The following RBFOX1 variants were observed in gnomAD, a reference collection of about 807,000 sequenced individuals.
The protein encoded by RBFOX1 is RNA binding fox-1 homolog 1.
Under a neutral mutation model 57.7 loss-of-function variants are expected in RBFOX1, and 8 were observed. That is an observed-to-expected ratio of 0.14 (90% confidence interval 0.08 to 0.25). The LOEUF (loss-of-function observed/expected upper bound fraction) is 0.25, where lower values mean the gene tolerates loss of function less well. Among genes scored for constraint, RBFOX1 ranks in the 10% least tolerant of loss-of-function variants. The probability of loss-of-function intolerance (pLI) is 1.00; values close to 1 mark genes in which losing one functional copy is unlikely to be tolerated. For missense variants in RBFOX1, 611 were observed against 548.5 expected (o/e 1.11, Z -1.14); for synonymous variants, 326 against 222.4 (o/e 1.47, Z -4.15).
At chr16:7,197,853 C>T (rs576137060) in intron 4 of RBFOX1, among the ~76,000 whole-genome samples, 1 of 151,952 alleles carries the variant, frequency 6.6e-6, no homozygotes, top group Non-Finnish European at 1.5e-5. Context: ...CGTGAAATAT[C>T]CAGAATAGGA....
intron 4 of RBFOX1, among the ~76,000 whole-genome samples, chr16:7,402,559 T>C (rs1157798755): frequency 6.6e-6 from 1 of 152,188 alleles, no homozygotes; most frequent in African/African-American, 2.4e-5. Context: ...TATGTGAACT[T>C]TGGTAGTGGA....
chr16:6,379,088 T>C (rs1036360151), intron 2 of RBFOX1, among the ~76,000 whole-genome samples: 1 of 152,102 alleles, frequency 6.6e-6, no homozygotes, highest in Non-Finnish European at 1.5e-5. Flanking sequence ...TGCCCAGCTT[T>C]CTAAACTGGG....
At chr16:5,481,620 C>G (rs1597241637) in intron 2 of RBFOX1, among the ~76,000 whole-genome samples, 1 of 152,136 alleles carries the variant, frequency 6.6e-6, no homozygotes. Flanking sequence ...AAGAAGATAC[C>G]AAGTGCTTCA....
intron 3 of RBFOX1, among the ~76,000 whole-genome samples, chr16:6,944,220 C>G (rs1411332851): frequency 2.6e-5 from 4 of 151,868 alleles, no homozygotes; most frequent in Non-Finnish European, 5.9e-5. Context: ...CACAGTGAAA[C>G]CCTTTCTCTA....
rs373916592 is a variant in RBFOX1, at chr16:5,813,618, A to G, written c.319-53685A>G. Among the ~76,000 whole-genome samples the G allele has an allele frequency of 9.8e-5, 15 of 152,352 alleles. No individual in the cohort carries two copies. In the East Asian group the frequency reaches 1.2e-3, roughly 12 times the overall value. ...ATACCCAGAAAAGGCAAGTCTCACTATTGAGTTTTAAGTGTTCTTTATATA... is the reference window on the plus strand; with the variant it reads ...ATACCCAGAAAAGGCAAGTCTCACTGTTGAGTTTTAAGTGTTCTTTATATA... On this transcript the variant is annotated intron_variant, in intron 3 of 19. Coordinates refer to the RBFOX1 transcript ENST00000641259.
chr16:7,449,812 G>A (rs1310597328), intron 4 of RBFOX1, among the ~76,000 whole-genome samples: 1 of 149,304 alleles, frequency 6.7e-6, no homozygotes, highest in Non-Finnish European at 1.5e-5. Context: ...GTGACATAAA[G>A]AGAACACCTT....
intron 3 of RBFOX1, among the ~76,000 whole-genome samples, chr16:7,029,173 C>G (rs1168607246): frequency 2.3e-5 from 1 of 44,264 alleles, no homozygotes; most frequent in Non-Finnish European, 6.3e-5. Flanking sequence ...CATATATATA[C>G]GTATACGTGT....
chr16:7,333,008 G>T (rs1268576888), intron 4 of RBFOX1: 2 of 1,613,666 alleles, frequency 1.2e-6, no homozygotes, highest in South Asian at 1.1e-5. Context: ...AAGCATGCTG[G>T]CGTCTCAAGG....
intron 2 of RBFOX1, among the ~76,000 whole-genome samples, chr16:6,377,983 A>G (rs961178337): frequency 6.6e-6 from 1 of 152,026 alleles, no homozygotes. Context: ...CTGGTGCTTC[A>G]TCGTCCTTTA....
intron 2 of RBFOX1, among the ~76,000 whole-genome samples, chr16:6,564,273 T>C (rs374954202): frequency 1.3e-5 from 2 of 151,978 alleles, no homozygotes; most frequent in South Asian, 2.1e-4. Context: ...TGCTCTATGG[T>C]TTTTAATGAA....
In RBFOX1 at chr16:7,691,659, G is replaced by A. The variant is rs542556853; in HGVS notation, c.995+14821G>A. Among the ~76,000 whole-genome samples, 12 of 152,186 alleles carry A rather than the reference G, an allele frequency of 7.9e-5. No homozygotes were observed. In the Middle Eastern group the frequency reaches 0.02, roughly 259 times the overall value. On this transcript the variant is annotated intron_variant, in intron 14 of 15. Coordinates refer to ENST00000550418, the MANE Select transcript of RBFOX1 (RefSeq NM_018723.4). ...GTTGCATTTTAAAAGTTACCTATTCGTTCAGTCACAATTTTACATCTGTTT... is the reference window on the plus strand; with the variant it reads ...GTTGCATTTTAAAAGTTACCTATTCATTCAGTCACAATTTTACATCTGTTT...
intron 1 of RBFOX1, among the ~76,000 whole-genome samples, chr16:5,418,370 C>T (rs2092006969): frequency 6.6e-6 from 1 of 151,756 alleles, no homozygotes; most frequent in South Asian, 2.1e-4. Flanking sequence ...TGAGAAGATG[C>T]ACAGGGGAAA....
At chr16:7,689,511 A>G (rs2076867674) in intron 14 of RBFOX1, among the ~76,000 whole-genome samples, 1 of 152,058 alleles carries the variant, frequency 6.6e-6, no homozygotes, top group Non-Finnish European at 1.5e-5. Context: ...GTTCTTATTA[A>G]GTGTATAGAT....
At chr16:6,513,939 A>T (rs2096311379) in intron 2 of RBFOX1, among the ~76,000 whole-genome samples, 1 of 152,140 alleles carries the variant, frequency 6.6e-6, no homozygotes, top group Non-Finnish European at 1.5e-5. Flanking sequence ...GGCTGATGGG[A>T]AGAACAGAAA....
chr16:5,321,070 TTGCA>T (rs1596510636), intron 1 of RBFOX1, among the ~76,000 whole-genome samples: 1 of 152,144 alleles, frequency 6.6e-6, no homozygotes, highest in Non-Finnish European at 1.5e-5. Context: ...ACTGTACTGT[TTGCA>T]TCCAAGCACT....
intron 3 of RBFOX1, among the ~76,000 whole-genome samples, chr16:5,657,961 A>G (rs1159907865): frequency 1.3e-5 from 2 of 151,626 alleles, no homozygotes; most frequent in Non-Finnish European, 2.9e-5. Flanking sequence ...TGAACTCCTG[A>G]TTTCAGGTGA....
At chr16:6,530,759 A>AC (rs2096646746) in intron 2 of RBFOX1, among the ~76,000 whole-genome samples, 1 of 125,584 alleles carries the variant, frequency 8.0e-6, no homozygotes, top group Admixed American at 8.3e-5. Context: ...TCCCTTCCCC[A>AC]CCCCCATCTC....
intron 2 of RBFOX1, among the ~76,000 whole-genome samples, chr16:6,507,418 C>A (rs182454729): frequency 1.2e-4 from 17 of 144,864 alleles, no homozygotes; most frequent in African/African-American, 4.4e-4. Context: ...TGCCTGTAAT[C>A]CCAACACTTT....
intron 1 of RBFOX1, among the ~76,000 whole-genome samples, chr16:5,336,354 A>G (rs1474732193): frequency 6.6e-6 from 1 of 152,110 alleles, no homozygotes; most frequent in Non-Finnish European, 1.5e-5. Flanking sequence ...TATTTCTGTT[A>G]CACTGGGCAA....
Sources: gnomAD v4.1 joint callset for allele counts (sites outside exome capture counted in the v4.1 genomes callset) on GRCh38, gnomAD v4.1.1 for gene constraint, MANE v1.5 for transcripts, NCBI Gene and HGNC (gene_info 2026-07-23, HGNC 2026-07-21) for gene names.